The following ALK variants were observed in gnomAD, a reference collection of about 807,000 sequenced individuals.
The protein encoded by ALK is ALK receptor tyrosine kinase.
ALK carries 74 observed loss-of-function variants against 163.1 expected under a neutral mutation model. That is an observed-to-expected ratio of 0.45 (90% CI 0.38 to 0.55). The LOEUF (loss-of-function observed/expected upper bound fraction) is 0.55. Among genes scored for constraint, ALK ranks in the 20% least tolerant of loss-of-function variants. The pLI is 0.00. For missense variants in ALK, 2,063 were observed against 2,105.3 expected (o/e 0.98, Z 0.39); for synonymous variants, 960 against 843.2 (o/e 1.14, Z -2.40).
chr2:29,579,437 T>C (rs1674615980), intron 3 of ALK, among the ~76,000 whole-genome samples: 1 of 152,204 alleles, frequency 6.6e-6, no homozygotes, highest in Admixed American at 6.5e-5. Context: ...TAATTTGAAC[T>C]TCAACAAAAT....
rs528910216 is a variant in ALK, at chr2:29,389,725, C to A, written c.1155-5866G>T. On this transcript the variant is annotated intron_variant, in intron 4 of 28. Transcript: ENST00000389048. ...GTTAATCCAAACGTTCGTGTCAATTCATGAACACTAGCTGTCATCTATTCA... is the reference window on the plus strand; with the variant it reads ...GTTAATCCAAACGTTCGTGTCAATTAATGAACACTAGCTGTCATCTATTCA... 8.7e-4 allele frequency among the ~76,000 whole-genome samples: 132 copies of A among 152,292 alleles called. 1 individual carries two copies. Among genetic ancestry groups the A allele is most frequent in the Non-Finnish European group, 1.7e-3 (119 of 68,030 alleles).
intron 1 of ALK, among the ~76,000 whole-genome samples, chr2:29,853,976 C>A (rs556486748): frequency 5.9e-5 from 9 of 151,418 alleles, no homozygotes; most frequent in Admixed American, 5.9e-4. Context: ...GTGGCACGAT[C>A]TGGGCTCGCT....
intron 5 of ALK, among the ~76,000 whole-genome samples, chr2:29,361,126 C>T (rs963163947): frequency 2.0e-5 from 3 of 152,226 alleles, no homozygotes; most frequent in East Asian, 1.9e-4. Context: ...AGCAGATCGC[C>T]GACGCAGTCT....
At chr2:29,436,704 C>T (rs139336886) in intron 4 of ALK, among the ~76,000 whole-genome samples, 1 of 152,274 alleles carries the variant, frequency 6.6e-6, no homozygotes, top group East Asian at 1.9e-4. Context: ...ATGGCCCAAT[C>T]GTATCTGTGA....
rs764050807 is a variant in ALK, at chr2:29,920,456, G to A, written c.204C>T (p.Ala68=). 4.3e-6 allele frequency: 7 copies of A among 1,611,954 alleles called. No individual in the cohort carries two copies. The highest frequency in any genetic ancestry group is 5.9e-6 in the Non-Finnish European group (7 of 1,179,276). ...AGGATGGTGGCAGCAGTAGGTCCCG[G>A]GCGTAGACACGGAAGAGCGAGGGCA... ...FVVPSLFRVY[A]RDLLLPPSSS... Residue 68 remains alanine, a synonymous_variant, in exon 1 of 29, where the codon GCC becomes GCT. Transcript: ENST00000389048.
chr2:29,368,809 C>G (rs544717888), intron 5 of ALK, among the ~76,000 whole-genome samples: 1 of 152,180 alleles, frequency 6.6e-6, no homozygotes, highest in African/African-American at 2.4e-5. Flanking sequence ...CTACTGCCAT[C>G]ATCCATCTGT....
At chr2:29,390,062 C>G (rs568064448) in intron 4 of ALK, among the ~76,000 whole-genome samples, 1 of 152,146 alleles carries the variant, frequency 6.6e-6, no homozygotes, top group Non-Finnish European at 1.5e-5. Flanking sequence ...CTACTATATG[C>G]GCTGCTTATA....
At chr2:29,468,377 G>GC (rs1364888956) in intron 4 of ALK, among the ~76,000 whole-genome samples, 1 of 152,176 alleles carries the variant, frequency 6.6e-6, no homozygotes, top group Admixed American at 6.5e-5. Context: ...TATGAGAACT[G>GC]CTGACCTAGA....
At chr2:29,799,723 A>AAG (rs1259863644) in intron 1 of ALK, among the ~76,000 whole-genome samples, 1 of 152,216 alleles carries the variant, frequency 6.6e-6, no homozygotes, top group Admixed American at 6.5e-5. Flanking sequence ...ACAATATTTT[A>AAG]AGAGAGAGAA....
chr2:29,643,519 G>A (rs952036674), intron 3 of ALK, among the ~76,000 whole-genome samples: 2 of 152,152 alleles, frequency 1.3e-5, no homozygotes, highest in Admixed American at 6.6e-5. Flanking sequence ...GGAGGAAAAT[G>A]CTGGCTAAGA....
chr2:29,393,248 T>C (rs1669223473), intron 4 of ALK, among the ~76,000 whole-genome samples: 2 of 152,170 alleles, frequency 1.3e-5, no homozygotes, highest in African/African-American at 4.8e-5. Flanking sequence ...TGGAAGGGCC[T>C]CAGAAGCAAG....
At chr2:29,639,604 A>G (rs753001937) in intron 3 of ALK, among the ~76,000 whole-genome samples, 2 of 152,228 alleles carry the variant, frequency 1.3e-5, no homozygotes, top group African/African-American at 4.8e-5. Flanking sequence ...GCAAAGTTAC[A>G]TTGCCAGGTG....
intron 11 of ALK, among the ~76,000 whole-genome samples, chr2:29,267,663 G>A (rs541204300): frequency 6.6e-6 from 1 of 152,218 alleles, no homozygotes; most frequent in Admixed American, 6.5e-5. Context: ...CACCTTTTGT[G>A]ATCAAGAGTT....
At chr2:29,502,239 T>TC (rs1169915339) in intron 4 of ALK, among the ~76,000 whole-genome samples, 3 of 152,124 alleles carry the variant, frequency 2.0e-5, no homozygotes, top group Non-Finnish European at 4.4e-5. Flanking sequence ...CTAATGCGAG[T>TC]CCCTTGAGGG....
At chr2:29,719,815 C>T (rs764828639) in intron 1 of ALK, among the ~76,000 whole-genome samples, 6 of 152,098 alleles carry the variant, frequency 3.9e-5, no homozygotes, top group Non-Finnish European at 7.4e-5. Flanking sequence ...CTCCACAGGG[C>T]CTGGCAGGGC....
intron 3 of ALK, among the ~76,000 whole-genome samples, chr2:29,601,116 T>C (rs913781544): frequency 6.6e-6 from 1 of 152,218 alleles, no homozygotes; most frequent in African/African-American, 2.4e-5. Flanking sequence ...TGATTCCCAT[T>C]CTAGAAGAAG....
At chr2:29,498,707 T>C (rs897485715) in intron 4 of ALK, among the ~76,000 whole-genome samples, 1 of 152,230 alleles carries the variant, frequency 6.6e-6, no homozygotes, top group African/African-American at 2.4e-5. Flanking sequence ...TTTTCTAATT[T>C]ACAGGAAGAA....
Position 29,615,637 on chromosome 2 carries a change from C to T in ALK, c.952+79213G>A, listed in dbSNP as rs558353756. Among the ~76,000 whole-genome samples, 29 of 152,330 alleles carry T rather than the reference C, an allele frequency of 1.9e-4. 1 individual carries two copies. In the South Asian group the frequency reaches 5.4e-3, roughly 28 times the overall value. ...TGCCCTGTGCCCACTACTGACCCCA[C>T]AATCCTTGACTGGGAGGATCCTTCA... On this transcript the variant is annotated intron_variant, in intron 3 of 28. Coordinates refer to ENST00000389048, the MANE Select transcript of ALK (RefSeq NM_004304.5).
At chr2:29,630,131 T>C (rs1371745391) in intron 3 of ALK, among the ~76,000 whole-genome samples, 1 of 152,108 alleles carries the variant, frequency 6.6e-6, no homozygotes, top group East Asian at 1.9e-4. Context: ...CCTTAAAGCA[T>C]TGGAATAAGC....
Sources: gnomAD v4.1 joint callset for allele counts (sites outside exome capture counted in the v4.1 genomes callset) on GRCh38, gnomAD v4.1.1 for gene constraint, MANE v1.5 for transcripts, NCBI Gene and HGNC (gene_info 2026-07-23, HGNC 2026-07-21) for gene names.